Variants in STXBP5L observed in about 807,000 individuals in gnomAD.
The protein encoded by STXBP5L is syntaxin binding protein 5L.
A neutral mutation model predicts 144.5 loss-of-function variants in STXBP5L; 65 were observed. That is an observed-to-expected ratio of 0.45 (90% CI 0.37 to 0.55). The LOEUF (loss-of-function observed/expected upper bound fraction) is 0.55, where lower values mean the gene tolerates loss of function less well. Among genes scored for constraint, STXBP5L ranks in the 20% least tolerant of loss-of-function variants. STXBP5L has a pLI of 0.00. For synonymous variants in STXBP5L, 505 were observed against 469.6 expected (o/e 1.08, Z -0.97); for missense variants, 1,298 against 1,405.5 (o/e 0.92, Z 1.22).
chr3:121,320,845 A>G (rs1038403176), intron 20 of STXBP5L, among the ~76,000 whole-genome samples: 41 of 151,716 alleles, frequency 2.7e-4, no homozygotes, highest in African/African-American at 9.9e-4. Context: ...GGACTACAGG[A>G]GCGTGTCACA....
At chr3:121,324,253 T>C (rs1371521394) in intron 20 of STXBP5L, among the ~76,000 whole-genome samples, 1 of 152,182 alleles carries the variant, frequency 6.6e-6, no homozygotes, top group African/African-American at 2.4e-5. Context: ...CAGCCTAGTT[T>C]GAATGCTCCT....
rs1213463001 is a variant in STXBP5L, at chr3:120,951,693, T to C, written c.190-3247T>C. On this transcript the variant is annotated intron_variant, in intron 2 of 26. Transcript: ENST00000471454. ...AGGATGTGGAGAAATAGGAACACTT[T>C]TACACTGTTGTTGGGACTGTAAACT... is the stretch of plus-strand genomic sequence containing the variant. Among the ~76,000 whole-genome samples, 6 of 151,792 alleles carry C rather than the reference T, an allele frequency of 4.0e-5. No individual in the cohort carries two copies. The East Asian group carries it at 1.2e-3, about 29-fold the overall frequency.
chr3:120,967,362 A>G (rs1939716036), intron 3 of STXBP5L, among the ~76,000 whole-genome samples: 1 of 152,056 alleles, frequency 6.6e-6, no homozygotes, highest in South Asian at 2.1e-4. Flanking sequence ...AAATGCAGAA[A>G]TCACCCATCT....
chr3:121,087,802 A>G (rs1576907011), intron 5 of STXBP5L, among the ~76,000 whole-genome samples: 3 of 151,670 alleles, frequency 2.0e-5, no homozygotes, highest in East Asian at 1.9e-4. Context: ...ATTTTGACTT[A>G]TTATTAGTTA....
intron 9 of STXBP5L, among the ~76,000 whole-genome samples, chr3:121,180,514 A>C (rs2047098906): frequency 6.6e-6 from 1 of 152,218 alleles, no homozygotes; most frequent in Non-Finnish European, 1.5e-5. Context: ...GGGCCTATAA[A>C]ACAATAATAC....
At chr3:121,045,275 C>T (rs532691098) in intron 4 of STXBP5L, among the ~76,000 whole-genome samples, 160 bp from the exon 5 acceptor site, 4 of 152,170 alleles carry the variant, frequency 2.6e-5, no homozygotes, top group South Asian at 4.2e-4. Context: ...GCATTCTTAC[C>T]CTTCCTGATT....
chr3:120,998,658 T>G (rs1276842883), intron 3 of STXBP5L, among the ~76,000 whole-genome samples: 3 of 152,138 alleles, frequency 2.0e-5, no homozygotes, highest in Non-Finnish European at 2.9e-5. Context: ...TTCTGTTAGT[T>G]TGCTGCAAAG....
At chr3:121,086,852 C>T (rs985466084) in intron 5 of STXBP5L, among the ~76,000 whole-genome samples, 2 of 152,022 alleles carry the variant, frequency 1.3e-5, no homozygotes, top group African/African-American at 2.4e-5. Context: ...AGTGTAAGTA[C>T]TTACACTCTA....
chr3:121,038,736 G>T (rs898990997), intron 3 of STXBP5L, among the ~76,000 whole-genome samples: 1 of 151,646 alleles, frequency 6.6e-6, no homozygotes, highest in Non-Finnish European at 1.5e-5. Flanking sequence ...TCTCTTTGTG[G>T]TTCTATCAAT....
chr3:121,288,637 C>G (rs1454801800), intron 19 of STXBP5L, among the ~76,000 whole-genome samples: 1 of 152,066 alleles, frequency 6.6e-6, no homozygotes, highest in Non-Finnish European at 1.5e-5. Context: ...TCATGTGTGT[C>G]TTCTTTAGAA....
intron 9 of STXBP5L, among the ~76,000 whole-genome samples, chr3:121,190,172 G>A (rs1577162323): frequency 6.6e-6 from 1 of 152,150 alleles, no homozygotes; most frequent in African/African-American, 2.4e-5. Context: ...TGTGAACAAA[G>A]TCTCTGGTTT....
At chr3:120,990,310 G>A (rs963653407) in intron 3 of STXBP5L, among the ~76,000 whole-genome samples, 8 of 152,078 alleles carry the variant, frequency 5.3e-5, no homozygotes, top group South Asian at 4.1e-4. Flanking sequence ...ATAAAAGAGG[G>A]TACAAACAAA....
chr3:121,193,563 G>A (rs2047794374), intron 9 of STXBP5L, among the ~76,000 whole-genome samples: 2 of 152,082 alleles, frequency 1.3e-5, no homozygotes, highest in South Asian at 4.1e-4. Context: ...CAAAAACTTG[G>A]AACCAACCCA....
At chr3:121,148,820 C>A (rs572472551) in intron 7 of STXBP5L, among the ~76,000 whole-genome samples, 1 of 152,154 alleles carries the variant, frequency 6.6e-6, no homozygotes, top group South Asian at 2.1e-4. Context: ...CAAGGTTGTT[C>A]ATGGCAGTAT....
At chr3:121,034,227 T>C (rs1946591753) in intron 3 of STXBP5L, among the ~76,000 whole-genome samples, 1 of 152,102 alleles carries the variant, frequency 6.6e-6, no homozygotes, top group East Asian at 1.9e-4. Context: ...GTTCTTAGTG[T>C]AACCATTACC....
intron 6 of STXBP5L, among the ~76,000 whole-genome samples, chr3:121,119,592 A>C (rs939205998): frequency 6.6e-6 from 1 of 151,284 alleles, no homozygotes; most frequent in East Asian, 1.9e-4. Context: ...TGATAATTCT[A>C]TCTAAAGAAT....
chr3:121,142,933 T>A (rs920438698), intron 7 of STXBP5L, among the ~76,000 whole-genome samples: 1 of 150,690 alleles, frequency 6.6e-6, no homozygotes, highest in Admixed American at 6.6e-5. Context: ...AAACTGAGAG[T>A]TATTATTTGA....
chr3:121,093,077 T>C lies in STXBP5L; in HGVS notation c.471-21848T>C, dbSNP rs138581659. 5.4e-3 allele frequency among the ~76,000 whole-genome samples: 830 copies of C among 152,374 alleles called. 12 individuals are homozygous for C. Among genetic ancestry groups the C allele is most frequent in the African/African-American group, 0.019 (796 of 41,586 alleles). The stretch of plus-strand genomic sequence containing the variant: ...CTGTTTATATGCTGGATTACATTTA[T>C]TGATTTGCATATATCGAACCAGCCT... On this transcript the variant is annotated intron_variant, in intron 5 of 26. Coordinates refer to ENST00000471454, the MANE Select transcript of STXBP5L (RefSeq NM_001308330.2).
At chr3:121,224,434 A>G (rs1036607936) in intron 11 of STXBP5L, among the ~76,000 whole-genome samples, 5 of 152,190 alleles carry the variant, frequency 3.3e-5, no homozygotes, top group African/African-American at 1.2e-4. Context: ...TCAAATAATT[A>G]TTGAATCATT....
Sources: gnomAD v4.1 joint callset for allele counts (sites outside exome capture counted in the v4.1 genomes callset) on GRCh38, gnomAD v4.1.1 for gene constraint, MANE v1.5 for transcripts, NCBI Gene and HGNC (gene_info 2026-07-23, HGNC 2026-07-21) for gene names.